The following KCMF1 variants were observed in gnomAD, a reference collection of about 807,000 sequenced individuals.
KCMF1 encodes the protein potassium channel modulatory factor 1.
In KCMF1, 3 loss-of-function variants were observed where a neutral mutation model predicts 41.1. The ratio of observed to expected loss-of-function variants is 0.07; its 90% CI spans 0.03 to 0.19. The LOEUF (loss-of-function observed/expected upper bound fraction) is 0.19, where lower values mean the gene tolerates loss of function less well. Among genes scored for constraint, KCMF1 ranks in the 10% least tolerant of loss-of-function variants. The pLI is 1.00. For missense variants in KCMF1, 286 were observed against 488.9 expected, an observed-to-expected ratio of 0.58 and a Z score of 3.91; for synonymous variants, 142 against 164.5, an observed-to-expected ratio of 0.86 and a Z score of 1.04.
At chr2:85,040,137 C>T (rs1449194802) in intron 3 of KCMF1, among the ~76,000 whole-genome samples, 2 of 152,066 alleles carry the variant, frequency 1.3e-5, no homozygotes, top group Non-Finnish European at 2.9e-5. Flanking sequence ...TATTCTTAGC[C>T]AAATTAAAGA....
At chr2:84,989,634 T>G (rs1673988717) in intron 1 of KCMF1, among the ~76,000 whole-genome samples, 1 of 152,180 alleles carries the variant, frequency 6.6e-6, no homozygotes, top group African/African-American at 2.4e-5. Flanking sequence ...GGTGATCGAT[T>G]AAGCATGAGG....
chr2:85,054,865 TTTC>T lies in KCMF1; in HGVS notation c.*1460_*1462del, dbSNP rs991777668. Reference sequence around the variant, plus strand: ...TTCCTTTCCTGTCCGTGTATCTCCGTTTCTTCAACATGACAAGCATACAGACTT... The same window carrying T: ...TTCCTTTCCTGTCCGTGTATCTCCGTTTCAACATGACAAGCATACAGACTT... On this transcript the variant is annotated 3_prime_UTR_variant, in exon 7 of 7. Transcript: ENST00000409785. 6.6e-6 allele frequency: 1 copy of T among 152,190 alleles called. No individual in the cohort carries two copies. The highest frequency in any genetic ancestry group is 1.5e-5 in the Non-Finnish European group (1 of 68,044). 9.4% of individuals were successfully genotyped at this position (152,190 alleles called of 1,614,324 possible). A position where few individuals can be genotyped will look rare whatever the true frequency, so the allele number is the denominator to read the frequency against.
intron 1 of KCMF1, among the ~76,000 whole-genome samples, chr2:85,000,040 AAAAT>A (rs1674288455): frequency 6.6e-6 from 1 of 152,214 alleles, no homozygotes; most frequent in Admixed American, 6.5e-5. Flanking sequence ...AAAAAAAAGA[AAAAT>A]AATAGCAACC....
chr2:85,049,722 C>A (rs1239432217), intron 6 of KCMF1, 74 bp downstream of exon 6: 2 of 1,209,280 alleles, frequency 1.7e-6, no homozygotes, highest in African/African-American at 1.5e-5. Flanking sequence ...ATTATCTTTT[C>A]TCTTTTGTGC....
In KCMF1 at chr2:85,027,539, T is replaced by C. The variant is rs142122150; in HGVS notation, c.17-350T>C. On this transcript the variant is annotated intron_variant, in intron 1 of 6. Transcript: ENST00000409785. ...ACAGGTGCCAGCCACCACGCCCAGC[T>C]AATTTTTGCATTTTTAGTAGAGACG... Among the ~76,000 whole-genome samples, 179 of 152,022 alleles carry C rather than the reference T, an allele frequency of 1.2e-3. 1 individual carries two copies. The highest frequency in any genetic ancestry group is 4.1e-3 in the African/African-American group (171 of 41,442).
chr2:84,987,473 G>A (rs1187964749), intron 1 of KCMF1, among the ~76,000 whole-genome samples: 14 of 152,198 alleles, frequency 9.2e-5, no homozygotes, highest in Admixed American at 9.2e-4. Context: ...TGTTGAGAGA[G>A]CAAGGAATAA....
rs1292463970 is a variant in KCMF1 at position 85,055,849 on chromosome 2, A to G, written c.*2440A>G. The G allele has an allele frequency of 6.6e-6, 1 of 152,168 alleles. No homozygotes were observed. The highest frequency in any genetic ancestry group is 1.9e-4 in the East Asian group (1 of 5,200). The allele number at this position is 152,168 out of a possible 1,614,324, so 9.4% of individuals were successfully genotyped here. On this transcript the variant is annotated 3_prime_UTR_variant, in exon 7 of 7. Transcript: ENST00000409785. ...TGGCAGCACCTTCAAATTTCTAAGG[A>G]CCAGATCCTGAATTTTGAGAATTTT...
rs575119434 is a variant in KCMF1 at position 85,016,354 on chromosome 2, T to C, written c.17-11535T>C. Among the ~76,000 whole-genome samples, 19 of 152,298 alleles carry C rather than the reference T, an allele frequency of 1.2e-4. No individual in the cohort carries two copies. The East Asian group carries it at 3.7e-3, about 29-fold the overall frequency. On this transcript the variant is annotated intron_variant, in intron 1 of 6. Transcript: ENST00000409785. ...CACAGGGCATAGGTTTTTAAAAATATGCGTATATAGAGTTATATGTATATT... is the reference window on the plus strand; with the variant it reads ...CACAGGGCATAGGTTTTTAAAAATACGCGTATATAGAGTTATATGTATATT...
At chr2:84,982,389 CTTTTT>C (rs34687477) in intron 1 of KCMF1, among the ~76,000 whole-genome samples, 389 of 47,078 alleles carry the variant, frequency 8.3e-3, no homozygotes, top group South Asian at 0.017. Flanking sequence ...TCCTTATTTT[CTTTTT>C]TTTTTTTTTT....
At chr2:85,016,695 CTTT>C (rs747440965) in intron 1 of KCMF1, among the ~76,000 whole-genome samples, 2 of 142,950 alleles carry the variant, frequency 1.4e-5, no homozygotes, top group Admixed American at 7.0e-5. Context: ...TATAGTTTAT[CTTT>C]TTTTTTTTTT....
chr2:85,013,564 C>T (rs1014494394), intron 1 of KCMF1, among the ~76,000 whole-genome samples: 2 of 152,008 alleles, frequency 1.3e-5, no homozygotes, highest in Non-Finnish European at 2.9e-5. Context: ...CTTTGGGAGG[C>T]CGAGGTGGGC....
intron 1 of KCMF1, among the ~76,000 whole-genome samples, chr2:84,977,583 C>CTTT (rs772731086): frequency 6.9e-6 from 1 of 144,552 alleles, no homozygotes; most frequent in Non-Finnish European, 1.5e-5. Context: ...CCACACCCGA[C>CTTT]TTTTTTTTTT....
intron 1 of KCMF1, among the ~76,000 whole-genome samples, chr2:84,991,555 A>G (rs548324093): frequency 2.0e-5 from 3 of 152,250 alleles, no homozygotes; most frequent in Admixed American, 6.5e-5. Flanking sequence ...CAGTTGCAGG[A>G]GAGTGGTAGA....
chr2:85,026,607 A>G lies in KCMF1; in HGVS notation c.17-1282A>G, dbSNP rs896887163. Among the ~76,000 whole-genome samples, 3 of 151,284 alleles carry G rather than the reference A, an allele frequency of 2.0e-5. No homozygotes were observed. In the East Asian group the frequency reaches 5.8e-4, roughly 29 times the overall value. On this transcript the variant is annotated intron_variant, in intron 1 of 6. Transcript: ENST00000409785. ...GGGCTCAAGCATTCCTCCCACCTCA[A>G]CCTTCCAAGTAGCTAAGGCTACAGG...
intron 1 of KCMF1, among the ~76,000 whole-genome samples, chr2:85,024,346 G>A (rs1405662893): frequency 5.3e-5 from 8 of 152,092 alleles, no homozygotes; most frequent in African/African-American, 1.2e-4. Context: ...GGTGCCAGGC[G>A]CCTATGATCC....
chr2:85,036,000 C>G (rs1675393272), intron 3 of KCMF1, among the ~76,000 whole-genome samples: 1 of 152,154 alleles, frequency 6.6e-6, no homozygotes, highest in Non-Finnish European at 1.5e-5. Context: ...CAAGGACATA[C>G]AGCTTAGTAA....
chr2:85,024,583 AGT>A (rs71390042), intron 1 of KCMF1, among the ~76,000 whole-genome samples: 31,313 of 123,586 alleles, frequency 0.25, 3,775 homozygotes, highest in Non-Finnish European at 0.34. Flanking sequence ...AGAGAGAGAG[AGT>A]GTGTGTGTGT....
chr2:84,980,350 G>T (rs535118049), intron 1 of KCMF1, among the ~76,000 whole-genome samples: 2 of 152,298 alleles, frequency 1.3e-5, no homozygotes, highest in African/African-American at 4.8e-5. Context: ...TGGATCTGTA[G>T]CTACAGGATG....
At chr2:85,023,784 C>T (rs1675014865) in intron 1 of KCMF1, among the ~76,000 whole-genome samples, 1 of 152,080 alleles carries the variant, frequency 6.6e-6, no homozygotes, top group Admixed American at 6.6e-5. Context: ...AAAATATGAA[C>T]AAATTTTTCA....
Sources: allele counts gnomAD v4.1 joint callset (sites outside exome capture counted in the v4.1 genomes callset), GRCh38; gene constraint gnomAD v4.1.1; transcripts MANE v1.5; gene names NCBI Gene and HGNC (gene_info 2026-07-23, HGNC 2026-07-21).